The following SCN10A variants were observed in gnomAD, a reference collection of about 807,000 sequenced individuals.
SCN10A encodes the protein sodium voltage-gated channel alpha subunit 10.
A neutral mutation model predicts 170.7 loss-of-function variants in SCN10A; 162 were observed. The ratio of observed to expected loss-of-function variants is 0.95; its 90% CI spans 0.84 to 1.08. SCN10A has a LOEUF of 1.08. SCN10A is among the 50% of genes least tolerant of loss of function. The pLI is 0.00. For missense variants in SCN10A, 2,527 were observed against 2,436.9 expected (o/e 1.04, Z -0.78); for synonymous variants, 985 against 904.6 (o/e 1.09, Z -1.59).
intron 21 of SCN10A, 32 bp downstream of exon 21, chr3:38,718,621 C>A (rs2063356234): frequency 6.2e-7 from 1 of 1,611,564 alleles, no homozygotes; most frequent in Non-Finnish European, 8.5e-7. Context: ...GGGAGGACCC[C>A]AAACCCCACG....
At chr3:38,773,230 G>A (rs2064030672) in intron 4 of SCN10A, among the ~76,000 whole-genome samples, 1 of 152,162 alleles carries the variant, frequency 6.6e-6, no homozygotes, top group African/African-American at 2.4e-5. Flanking sequence ...TACTTGGGAG[G>A]TTGAGGCAGG....
intron 4 of SCN10A, among the ~76,000 whole-genome samples, chr3:38,787,685 A>G (rs1425571185): frequency 6.6e-6 from 1 of 151,930 alleles, no homozygotes; most frequent in Non-Finnish European, 1.5e-5. Context: ...TTTTAAAATT[A>G]TTATACTTTA....
intron 1 of SCN10A, among the ~76,000 whole-genome samples, chr3:38,800,964 C>T (rs557791657): frequency 1.3e-5 from 2 of 152,196 alleles, no homozygotes; most frequent in Admixed American, 6.5e-5. Context: ...TTTGCCATTT[C>T]GATAGTGATG....
chr3:38,761,488 G>T, intron 6 of SCN10A, 105 bp from the exon 7 acceptor site: 1 of 958,664 alleles, frequency 1.0e-6, no homozygotes, highest in Non-Finnish European at 1.5e-6. Context: ...CAGGAGTGAA[G>T]TATGTACACA....
Position 38,752,224 on chromosome 3 carries a change from C to G in SCN10A, c.1750G>C (p.Val584Leu). The G allele has an allele frequency of 6.6e-7, 1 of 1,515,318 alleles. No homozygotes were observed. The highest frequency in any genetic ancestry group is 8.8e-7 in the Non-Finnish European group (1 of 1,131,078). 93.9% of individuals were successfully genotyped at this position (1,515,318 alleles called of 1,614,324 possible). The change falls in exon 12 of 28, where the codon GTC becomes CTC. Residue 584 changes from valine (V) to leucine (L), a missense_variant. Transcript: ENST00000449082. ...TGAAGCATTCACAAACTCACCGAGA[C>G]ATCGACAGCTCCAGGGGCAAGCTCA... Reference protein sequence around the residue: ...TSELAPGAVDVSAFDAGQKKT... With the variant: ...TSELAPGAVDLSAFDAGQKKT...
intron 1 of SCN10A, among the ~76,000 whole-genome samples, chr3:38,805,609 A>C (rs1392065239): frequency 6.6e-6 from 1 of 152,172 alleles, no homozygotes; most frequent in African/African-American, 2.4e-5. Context: ...GACACCGGAC[A>C]TATGAGTAAG....
chr3:38,754,960 T>A (rs2082859518), intron 11 of SCN10A, among the ~76,000 whole-genome samples: 1 of 151,996 alleles, frequency 6.6e-6, no homozygotes, highest in African/African-American at 2.4e-5. Context: ...AGGGCATATT[T>A]GGGGTAAAAG....
chr3:38,795,745 A>T (rs1226318905), intron 1 of SCN10A, among the ~76,000 whole-genome samples: 1 of 152,094 alleles, frequency 6.6e-6, no homozygotes, highest in Non-Finnish European at 1.5e-5. Flanking sequence ...TTGTTTTCAG[A>T]ATAATAACAA....
intron 21 of SCN10A, among the ~76,000 whole-genome samples, chr3:38,715,520 A>G (rs1337978987): frequency 2.0e-5 from 3 of 152,184 alleles, no homozygotes; most frequent in Non-Finnish European, 4.4e-5. Flanking sequence ...TCACCCACAC[A>G]TTCTACCCAA....
At position 38,752,446 on chromosome 3, in the gene SCN10A, G is replaced by T. The variant is rs747051634; in HGVS notation, c.1528C>A (p.Pro510Thr). Residue 510 changes from proline (P) to threonine (T), a missense_variant, in exon 12 of 28, where the codon CCT becomes ACT. Coordinates refer to ENST00000449082, the MANE Select transcript of SCN10A (RefSeq NM_006514.4). ...TCAGGGAGTGAGATATCTCGGCCAG[G>T]GGACCGGAAATGGAACACACTGCCA... ...SHGSVFHFRS[P>T]GRDISLPEGV... is the part of the protein sequence containing the mutation. 2 of 1,613,066 alleles carry T rather than the reference G, an allele frequency of 1.2e-6. No individual in the cohort carries two copies. The highest frequency in any genetic ancestry group is 1.7e-6 in the Non-Finnish European group (2 of 1,179,592).
intron 15 of SCN10A, among the ~76,000 whole-genome samples, chr3:38,737,404 T>C (rs1007823064): frequency 1.3e-5 from 2 of 152,212 alleles, no homozygotes; most frequent in Non-Finnish European, 2.9e-5. Context: ...CATCAATTTC[T>C]AGATACCTAG....
Position 38,793,934 on chromosome 3 carries a change from T to C in SCN10A, c.77A>G (p.Lys26Arg). The change falls in exon 2 of 28, where the codon AAG (lysine) becomes AGG (arginine). Residue 26 changes from lysine (K) to arginine (R), a missense_variant. Lys to Arg is a conservative substitution (Grantham distance 26). Coordinates refer to ENST00000449082, the MANE Select transcript of SCN10A (RefSeq NM_006514.4). ...TGTTCCCTGCTTGGCAGCAATTTGCTTCTCTATCTCCACCAGTGACTCCGG... is the reference window on the plus strand; with the variant it reads ...TGTTCCCTGCTTGGCAGCAATTTGCCTCTCTATCTCCACCAGTGACTCCGG... The part of the protein sequence containing the change: ...FTPESLVEIE[K>R]QIAAKQGTKK... 6.2e-7 allele frequency: 1 copy of C among 1,614,106 alleles called. No individual in the cohort carries two copies. The highest frequency in any genetic ancestry group is 8.5e-7 in the Non-Finnish European group (1 of 1,179,948).
intron 13 of SCN10A, among the ~76,000 whole-genome samples, chr3:38,746,483 CT>C (rs2063692272): frequency 6.6e-6 from 1 of 151,996 alleles, no homozygotes; most frequent in African/African-American, 2.4e-5. Context: ...CCTCTTATAT[CT>C]ACAAGTATCC....
chr3:38,756,998 G>T lies in SCN10A; in HGVS notation c.1092+20C>A. On this transcript the variant is annotated intron_variant, in intron 9 of 27. Transcript: ENST00000449082. ...CACCAGCCTCCAACCAAGTCTGCGT[G>T]GGGGAATGCAGCTCAGTACCTGCTG... The T allele has an allele frequency of 6.2e-7, 1 of 1,604,424 alleles. No homozygotes were observed. Among genetic ancestry groups the T allele is most frequent in the Non-Finnish European group, 8.5e-7 (1 of 1,175,468 alleles).
chr3:38,812,528 A>C (rs528847371), intron 1 of SCN10A, among the ~76,000 whole-genome samples: 67 of 152,254 alleles, frequency 4.4e-4, no homozygotes, highest in African/African-American at 1.4e-3. Flanking sequence ...TTTAAAAAAC[A>C]TATGCAAACA....
At chr3:38,780,792 C>T (rs2064130176) in intron 4 of SCN10A, among the ~76,000 whole-genome samples, 1 of 152,084 alleles carries the variant, frequency 6.6e-6, no homozygotes, top group Non-Finnish European at 1.5e-5. Context: ...GACAACTCAA[C>T]ATCAACAACG....
chr3:38,702,199 A>G, intron 26 of SCN10A, 90 bp from the exon 27 acceptor site: 1 of 1,355,488 alleles, frequency 7.4e-7, no homozygotes, highest in Non-Finnish European at 1.0e-6. Context: ...TGTCTCCATC[A>G]CACTCCACAT....
intron 25 of SCN10A, 24 bp from the exon 26 acceptor site, chr3:38,707,407 C>A: frequency 6.2e-7 from 1 of 1,612,872 alleles, no homozygotes; most frequent in Non-Finnish European, 8.5e-7. Flanking sequence ...CACACTGTTA[C>A]TAAAGCAAGA....
intron 6 of SCN10A, 144 bp from the exon 7 acceptor site, chr3:38,761,527 T>C (rs144831552): frequency 3.8e-5 from 21 of 546,530 alleles, no homozygotes; most frequent in Non-Finnish European, 5.7e-5. Flanking sequence ...ACCTTTCTCA[T>C]CCGAAGCTTG....
Sources: gnomAD v4.1 joint callset for allele counts (sites outside exome capture counted in the v4.1 genomes callset) on GRCh38, gnomAD v4.1.1 for gene constraint, MANE v1.5 for transcripts, NCBI Gene and HGNC (gene_info 2026-07-23, HGNC 2026-07-21) for gene names.